Variants in CAMTA1 observed in about 807,000 individuals in gnomAD.
CAMTA1 encodes the protein calmodulin-binding transcription activator 1.
Under a neutral mutation model 170.9 loss-of-function variants are expected in CAMTA1, and 27 were observed. That is an observed-to-expected ratio of 0.16 (90% CI 0.12 to 0.22). The LOEUF (loss-of-function observed/expected upper bound fraction) is 0.22. Among genes scored for constraint, CAMTA1 ranks in the 10% least tolerant of loss-of-function variants. CAMTA1 has a pLI of 1.00. For missense variants in CAMTA1, 1,619 were observed against 2,217.2 expected, an observed-to-expected ratio of 0.73 and a Z score of 5.42; for synonymous variants, 833 against 891.5, an observed-to-expected ratio of 0.93 and a Z score of 1.17.
intron 5 of CAMTA1, among the ~76,000 whole-genome samples, chr1:7,436,515 C>T (rs1173609775): frequency 6.6e-6 from 1 of 152,092 alleles, no homozygotes; most frequent in African/African-American, 2.4e-5. Flanking sequence ...GCCTCTGGGC[C>T]GCCCTCTGCC....
intron 5 of CAMTA1, among the ~76,000 whole-genome samples, chr1:7,273,721 G>A (rs908923458): frequency 2.0e-5 from 3 of 152,150 alleles, no homozygotes; most frequent in South Asian, 4.1e-4. Flanking sequence ...AAGAAGTGAC[G>A]TTTATGGTGT....
At chr1:6,873,029 G>A (rs1046298182) in intron 3 of CAMTA1, among the ~76,000 whole-genome samples, 1 of 152,134 alleles carries the variant, frequency 6.6e-6, no homozygotes, top group African/African-American at 2.4e-5. Flanking sequence ...GAACTCTCAC[G>A]AACAGTTTTG....
rs1310549809 is a variant in CAMTA1 at position 7,113,360 on chromosome 1, G to T, written c.302+21989G>T. On this transcript the variant is annotated intron_variant, in intron 4 of 22. Coordinates refer to ENST00000303635, the MANE Select transcript of CAMTA1 (RefSeq NM_015215.4). The surrounding 1 kb of genome is among the most constrained non-coding windows in gnomAD (Gnocchi z 4.5). The stretch of plus-strand genomic sequence containing the variant: ...GCCTGTGTGGCCATTCTGACCAAGT[G>T]GGGTGGACGGCAGAGACACTCAGGT... Among the ~76,000 whole-genome samples the T allele has an allele frequency of 1.3e-5, 2 of 152,188 alleles. No individual in the cohort carries two copies. Among genetic ancestry groups the T allele is most frequent in the Non-Finnish European group, 2.9e-5 (2 of 68,030 alleles).
intron 5 of CAMTA1, among the ~76,000 whole-genome samples, chr1:7,389,064 G>A (rs1260995296): frequency 6.6e-6 from 1 of 152,226 alleles, no homozygotes; most frequent in Non-Finnish European, 1.5e-5. Context: ...AGGAGGAAGG[G>A]AGTCTGGCTC....
chr1:7,346,472 T>C (rs1431200700), intron 5 of CAMTA1, among the ~76,000 whole-genome samples: 4 of 152,192 alleles, frequency 2.6e-5, no homozygotes, highest in Non-Finnish European at 5.9e-5. Flanking sequence ...TGTAAACAGC[T>C]GAGAGCTTTC....
chr1:7,330,485 C>A (rs2082960507), intron 5 of CAMTA1, among the ~76,000 whole-genome samples: 1 of 152,126 alleles, frequency 6.6e-6, no homozygotes, highest in South Asian at 2.1e-4. Flanking sequence ...TTCTTCTGGA[C>A]CCAAATGTGA....
At chr1:7,409,412 A>G (rs1428052065) in intron 5 of CAMTA1, among the ~76,000 whole-genome samples, 1 of 152,210 alleles carries the variant, frequency 6.6e-6, no homozygotes, top group East Asian at 1.9e-4. Flanking sequence ...GCCACCAGCC[A>G]CTAAGCTTAC....
intron 5 of CAMTA1, among the ~76,000 whole-genome samples, chr1:7,418,747 G>A (rs753109758): frequency 2.6e-5 from 4 of 152,144 alleles, no homozygotes; most frequent in Non-Finnish European, 4.4e-5. Flanking sequence ...CTTGGTCAGC[G>A]GCAACCCTGT....
intron 3 of CAMTA1, among the ~76,000 whole-genome samples, chr1:6,849,926 T>C (rs906481685): frequency 6.6e-6 from 1 of 151,674 alleles, no homozygotes; most frequent in African/African-American, 2.4e-5. Flanking sequence ...TCCCAGCTAC[T>C]TGGCAGGCTG....
In CAMTA1 at chr1:7,179,494, T is replaced by C. The variant is rs535819618; in HGVS notation, c.303-69997T>C. Among the ~76,000 whole-genome samples, 6 of 152,346 alleles carry C rather than the reference T, an allele frequency of 3.9e-5. No individual in the cohort carries two copies. The East Asian group carries it at 1.2e-3, about 29-fold the overall frequency. On this transcript the variant is annotated intron_variant, in intron 4 of 22. Transcript: ENST00000303635. ...TACATGGAGCATTTACAAACAGTTA[T>C]ATATTAGCTCACAAAGAAAATTTCA...
At chr1:7,177,966 C>T (rs943480657) in intron 4 of CAMTA1, among the ~76,000 whole-genome samples, 2 of 151,894 alleles carry the variant, frequency 1.3e-5, no homozygotes, top group African/African-American at 4.8e-5. Flanking sequence ...CTCCCACACA[C>T]TGAACCCCCT....
intron 3 of CAMTA1, among the ~76,000 whole-genome samples, chr1:7,062,308 G>A (rs1558043378): frequency 1.3e-5 from 2 of 152,160 alleles, no homozygotes; most frequent in Non-Finnish European, 2.9e-5. Flanking sequence ...ATAATATTGT[G>A]TCATGAGTTA....
chr1:6,957,093 G>A (rs977990114), intron 3 of CAMTA1, among the ~76,000 whole-genome samples: 3 of 152,226 alleles, frequency 2.0e-5, no homozygotes, highest in Non-Finnish European at 4.4e-5. Flanking sequence ...AAGAAACCAT[G>A]TGATTCAACA....
intron 1 of CAMTA1, among the ~76,000 whole-genome samples, chr1:6,792,706 T>A (rs1641465133): frequency 6.6e-6 from 1 of 152,184 alleles, no homozygotes; most frequent in Non-Finnish European, 1.5e-5. Flanking sequence ...ACATGGTTGC[T>A]TGTTCTCCTG....
chr1:7,543,861 A>G (rs1575920452), intron 6 of CAMTA1, among the ~76,000 whole-genome samples: 1 of 152,060 alleles, frequency 6.6e-6, no homozygotes, highest in East Asian at 1.9e-4. Context: ...TCTGAACAGG[A>G]AAAGGGTTAA....
At chr1:7,348,274 G>A (rs765740981) in intron 5 of CAMTA1, among the ~76,000 whole-genome samples, 10 of 152,174 alleles carry the variant, frequency 6.6e-5, no homozygotes, top group Non-Finnish European at 1.5e-4. Flanking sequence ...TGGTCTCGAC[G>A]ACTTCTTGGC....
At chr1:7,587,163 G>C (rs968931705) in intron 6 of CAMTA1, among the ~76,000 whole-genome samples, 2 of 152,050 alleles carry the variant, frequency 1.3e-5, no homozygotes, top group African/African-American at 4.8e-5. Flanking sequence ...GAGGGAAGAG[G>C]CCTCTGTGGC....
At chr1:7,403,139 G>T (rs2090031408) in intron 5 of CAMTA1, among the ~76,000 whole-genome samples, 1 of 152,122 alleles carries the variant, frequency 6.6e-6, no homozygotes, top group Non-Finnish European at 1.5e-5. Flanking sequence ...GATCAGCTGA[G>T]GTCAGGAGTT....
At chr1:7,751,467 G>A in intron 20 of CAMTA1, 75 bp downstream of exon 20, 1 of 1,348,274 alleles carries the variant, frequency 7.4e-7, no homozygotes, top group Non-Finnish European at 1.0e-6. Flanking sequence ...GACTTGTCCT[G>A]GGCTGACATT....
Sources: gnomAD v4.1 joint callset for allele counts (sites outside exome capture counted in the v4.1 genomes callset) on GRCh38, gnomAD v4.1.1 for gene constraint, Gnocchi (gnomAD v3.1) non-coding constraint, MANE v1.5 for transcripts, NCBI Gene and HGNC (gene_info 2026-07-23, HGNC 2026-07-21) for gene names.